Variants in ST8SIA1 observed in about 807,000 individuals in gnomAD.
The protein encoded by ST8SIA1 is alpha-N-acetylneuraminide alpha-2,8-sialyltransferase.
ST8SIA1 carries 16 observed loss-of-function variants against 35.9 expected under a neutral mutation model. The observed-to-expected ratio is 0.45, with a 90% confidence interval of 0.30 to 0.68. The LOEUF (loss-of-function observed/expected upper bound fraction) is 0.68. Ranked by LOEUF, ST8SIA1 falls within the 30% of genes least tolerant of loss-of-function variation. The pLI is 0.09. For synonymous variants in ST8SIA1, 170 were observed against 169.6 expected (o/e 1.00, Z -0.02); for missense variants, 383 against 453.6 (o/e 0.84, Z 1.41).
chr12:22,289,011 G>C (rs901593918), intron 1 of ST8SIA1, among the ~76,000 whole-genome samples: 4 of 152,122 alleles, frequency 2.6e-5, no homozygotes, highest in African/African-American at 9.7e-5. Flanking sequence ...CTCTCAAATG[G>C]TTGGGATAAC....
At chr12:22,203,281 C>T (rs980182567) in intron 4 of ST8SIA1, among the ~76,000 whole-genome samples, 1 of 152,236 alleles carries the variant, frequency 6.6e-6, no homozygotes, top group South Asian at 2.1e-4. Flanking sequence ...TAATTCCTTT[C>T]ACCATGGGAG....
At chr12:22,311,359 G>A (rs1485432279) in intron 1 of ST8SIA1, among the ~76,000 whole-genome samples, 1 of 152,050 alleles carries the variant, frequency 6.6e-6, no homozygotes, top group African/African-American at 2.4e-5. Flanking sequence ...GGTAGAGGGG[G>A]ATAGAAGAAT....
Position 22,196,501 on chromosome 12 carries a change from C to T in ST8SIA1, c.*5051G>A, listed in dbSNP as rs1864990296. On this transcript the variant is annotated 3_prime_UTR_variant, in exon 5 of 5. Coordinates refer to ENST00000396037, the MANE Select transcript of ST8SIA1 (RefSeq NM_003034.4). ...CTACAGCAATTATAGATTCAAGTCT[C>T]CTTCCACTTGCAAAATAGAAATTTT... 6.6e-6 allele frequency: 1 copy of T among 152,204 alleles called. No individual in the cohort carries two copies. Among genetic ancestry groups the T allele is most frequent in the Admixed American group, 6.5e-5 (1 of 15,286 alleles). 9.4% of individuals were successfully genotyped at this position (152,204 alleles called of 1,614,324 possible).
At chr12:22,273,725 C>G (rs1029713425) in intron 2 of ST8SIA1, among the ~76,000 whole-genome samples, 26 of 152,112 alleles carry the variant, frequency 1.7e-4, no homozygotes, top group Non-Finnish European at 3.4e-4. Context: ...TGATTGTATC[C>G]ACCAAAACTA....
At chr12:22,247,704 AAAG>A (rs1054084954) in intron 4 of ST8SIA1, among the ~76,000 whole-genome samples, 1 of 152,110 alleles carries the variant, frequency 6.6e-6, no homozygotes, top group African/African-American at 2.4e-5. Context: ...TGTTTTTATA[AAAG>A]AAGCCATAAA....
intron 4 of ST8SIA1, among the ~76,000 whole-genome samples, chr12:22,211,442 G>A (rs1865175168): frequency 6.6e-6 from 1 of 152,182 alleles, no homozygotes; most frequent in Non-Finnish European, 1.5e-5. Context: ...TGTCAACCAT[G>A]ATTGCATGCT....
At chr12:22,331,057 C>T (rs73089238) in intron 1 of ST8SIA1, among the ~76,000 whole-genome samples, 15 of 152,156 alleles carry the variant, frequency 9.9e-5, no homozygotes, top group African/African-American at 3.6e-4. Context: ...CCATCTCCTT[C>T]GCAGTTTGAC....
chr12:22,333,094 C>T (rs138905431), intron 1 of ST8SIA1, among the ~76,000 whole-genome samples: 41 of 152,324 alleles, frequency 2.7e-4, no homozygotes, highest in African/African-American at 9.6e-4. Flanking sequence ...ACCCCTGCTG[C>T]CGTAACTTAT....
At chr12:22,250,180 T>C (rs2300726) in intron 3 of ST8SIA1, among the ~76,000 whole-genome samples, 85,684 of 152,030 alleles carry the variant, frequency 0.56, 24,848 homozygotes, top group Middle Eastern at 0.74. Context: ...ATGGGAAATA[T>C]GACCACTGCG....
At chr12:22,214,805 T>C (rs1865217974) in intron 4 of ST8SIA1, among the ~76,000 whole-genome samples, 1 of 152,212 alleles carries the variant, frequency 6.6e-6, no homozygotes, top group African/African-American at 2.4e-5. Flanking sequence ...TTAATGCATG[T>C]CATGTCATTT....
At chr12:22,217,450 T>G (rs543580106) in intron 4 of ST8SIA1, among the ~76,000 whole-genome samples, 1 of 152,328 alleles carries the variant, frequency 6.6e-6, no homozygotes, top group South Asian at 2.1e-4. Flanking sequence ...TTGATTTTCA[T>G]GTTCATATCT....
intron 1 of ST8SIA1, among the ~76,000 whole-genome samples, chr12:22,299,226 G>C (rs1053246526): frequency 6.6e-6 from 1 of 152,058 alleles, no homozygotes; most frequent in African/African-American, 2.4e-5. Flanking sequence ...TAAAAAAAGT[G>C]TCCTTTTTAA....
Position 22,219,944 on chromosome 12 carries a change from A to G in ST8SIA1, c.585-17906T>C. ...ACATGAACCTTTTTAATCCATTTTCAGTAAGATCACTTGAGTACCAGAGTA... is the reference window on the plus strand; with the variant it reads ...ACATGAACCTTTTTAATCCATTTTCGGTAAGATCACTTGAGTACCAGAGTA... On this transcript the variant is annotated intron_variant, in intron 4 of 4. Transcript: ENST00000396037. Among the ~76,000 whole-genome samples the G allele has an allele frequency of 1.3e-5, 2 of 152,226 alleles. 1 individual carries two copies. The highest frequency in any genetic ancestry group is 4.8e-5 in the African/African-American group (2 of 41,452).
At chr12:22,277,738 G>C (rs1339317521) in intron 2 of ST8SIA1, among the ~76,000 whole-genome samples, 1 of 152,152 alleles carries the variant, frequency 6.6e-6, no homozygotes, top group East Asian at 1.9e-4. Context: ...CCCAGTGGCA[G>C]TGAGGTAAGA....
intron 4 of ST8SIA1, among the ~76,000 whole-genome samples, chr12:22,205,781 A>G (rs1459592938): frequency 2.6e-5 from 4 of 152,154 alleles, no homozygotes; most frequent in Non-Finnish European, 5.9e-5. Context: ...AAACTAAAAA[A>G]AAAATCATGA....
intron 2 of ST8SIA1, among the ~76,000 whole-genome samples, chr12:22,283,291 C>T (rs971643191): frequency 6.6e-6 from 1 of 152,178 alleles, no homozygotes; most frequent in Non-Finnish European, 1.5e-5. Flanking sequence ...AAATATTTTT[C>T]AGATTGTATC....
chr12:22,224,474 T>C (rs2120670828), intron 4 of ST8SIA1, among the ~76,000 whole-genome samples: 1 of 152,104 alleles, frequency 6.6e-6, no homozygotes, highest in African/African-American at 2.4e-5. Context: ...CAGGCCTGGC[T>C]CATTTTTGTA....
At chr12:22,221,866 A>C (rs1040911104) in intron 4 of ST8SIA1, among the ~76,000 whole-genome samples, 2 of 152,242 alleles carry the variant, frequency 1.3e-5, no homozygotes, top group Admixed American at 6.5e-5. Flanking sequence ...TAGCCTAAAA[A>C]GTATTTTGAA....
At chr12:22,305,369 T>A (rs1866371208) in intron 1 of ST8SIA1, among the ~76,000 whole-genome samples, 1 of 151,688 alleles carries the variant, frequency 6.6e-6, no homozygotes, top group Non-Finnish European at 1.5e-5. Context: ...TCTTAAGAAT[T>A]TCCAGCATAC....
Sources: gnomAD v4.1 joint callset for allele counts (sites outside exome capture counted in the v4.1 genomes callset) on GRCh38, gnomAD v4.1.1 for gene constraint, MANE v1.5 for transcripts, NCBI Gene and HGNC (gene_info 2026-07-23, HGNC 2026-07-21) for gene names.